SMURF1: variants seen among roughly 807,000 people sequenced by gnomAD.
The protein encoded by SMURF1 is E3 ubiquitin-protein ligase SMURF1.
Under a neutral mutation model 98.0 loss-of-function variants are expected in SMURF1, and 44 were observed. The ratio of observed to expected loss-of-function variants is 0.45; its 90% CI spans 0.35 to 0.58. The LOEUF is 0.58. SMURF1 is among the 20% of genes least tolerant of loss of function. The pLI, the probability that SMURF1 is intolerant of heterozygous loss-of-function variation, is 0.00. For synonymous variants in SMURF1, 396 were observed against 374.9 expected (o/e 1.06, Z -0.65); for missense variants, 687 against 938.4 (o/e 0.73, Z 3.50).
intron 16 of SMURF1, among the ~76,000 whole-genome samples, chr7:99,034,721 C>A (rs1298781502): frequency 6.6e-6 from 1 of 152,176 alleles, no homozygotes; most frequent in Non-Finnish European, 1.5e-5. Flanking sequence ...CAGCCTCAAA[C>A]CCCTTTTTAT....
rs1009184519 is a variant in SMURF1, at chr7:99,027,642, G to A, written c.*2942C>T. The A allele has an allele frequency of 1.3e-5, 2 of 152,518 alleles. No homozygotes were observed. Among genetic ancestry groups the A allele is most frequent in the African/African-American group, 4.8e-5 (2 of 41,410 alleles). The allele number at this position is 152,518 out of a possible 1,614,324, so 9.4% of individuals were successfully genotyped here. ...AAAATAAATCAGTGATAAAAACAGT[G>A]GGAAGGATAACAAGGATAGCAGCAA... On this transcript the variant is annotated 3_prime_UTR_variant, in exon 18 of 18. Transcript: ENST00000361368.
intron 5 of SMURF1, among the ~76,000 whole-genome samples, chr7:99,056,650 T>C (rs1256313264): frequency 6.6e-6 from 1 of 152,178 alleles, no homozygotes; most frequent in East Asian, 1.9e-4. Flanking sequence ...TAAAATTACA[T>C]TTAAAATTCT....
At chr7:99,089,652 C>G (rs538325964) in intron 1 of SMURF1, among the ~76,000 whole-genome samples, 4 of 151,690 alleles carry the variant, frequency 2.6e-5, no homozygotes, top group Admixed American at 2.6e-4. Context: ...TAAAACAAAA[C>G]AAAACAAAAC....
chr7:99,112,438 G>C (rs1370012949), intron 1 of SMURF1, among the ~76,000 whole-genome samples: 1 of 152,082 alleles, frequency 6.6e-6, no homozygotes, highest in East Asian at 1.9e-4. Context: ...CATGACAAAG[G>C]ATACAGACTT....
At chr7:99,058,913 A>G (rs1397066801) in intron 3 of SMURF1, among the ~76,000 whole-genome samples, 2 of 151,814 alleles carry the variant, frequency 1.3e-5, no homozygotes, top group African/African-American at 4.8e-5. Flanking sequence ...GGTGAAACCC[A>G]TCTCTACTAA....
chr7:99,068,621 A>AT (rs1563015132), intron 1 of SMURF1, among the ~76,000 whole-genome samples: 1 of 152,146 alleles, frequency 6.6e-6, no homozygotes, highest in East Asian at 1.9e-4. Flanking sequence ...TTTGAATGCC[A>AT]TTTTCATGTT....
chr7:99,127,221 C>T (rs923907440), intron 1 of SMURF1, among the ~76,000 whole-genome samples: 4 of 152,154 alleles, frequency 2.6e-5, no homozygotes, highest in African/African-American at 4.8e-5. Context: ...GTTCCTGCCA[C>T]GCAGGCAGAT....
intron 1 of SMURF1, among the ~76,000 whole-genome samples, chr7:99,120,121 C>T (rs1231591171): frequency 1.3e-5 from 2 of 152,090 alleles, no homozygotes; most frequent in Admixed American, 1.3e-4. Flanking sequence ...AGCCTGGCAC[C>T]TCACCCCTTC....
chr7:99,060,102 G>A (rs1795993435), intron 3 of SMURF1, among the ~76,000 whole-genome samples: 1 of 152,018 alleles, frequency 6.6e-6, no homozygotes, highest in Non-Finnish European at 1.5e-5. Context: ...ATGCAGTCGG[G>A]CGCAGTGGCT....
At chr7:99,040,153 G>A (rs1479948502) in intron 13 of SMURF1, among the ~76,000 whole-genome samples, 6 of 152,020 alleles carry the variant, frequency 3.9e-5, no homozygotes, top group South Asian at 2.1e-4. Flanking sequence ...TTGCAGTAAC[G>A]GGGTCTCACT....
chr7:99,037,142 G>C lies in SMURF1; in HGVS notation c.1734C>G (p.Phe578Leu), dbSNP rs1374181814. 6.2e-7 allele frequency: 1 copy of C among 1,614,174 alleles called. No homozygotes were observed. Among genetic ancestry groups the C allele is most frequent in the Non-Finnish European group, 8.5e-7 (1 of 1,180,040 alleles). ...WRFMRGIEAQ[F>L]LALQKGFNEL... ...CATTGAACCCCTTCTGCAGAGCTAA[G>C]AACTGGGCTTCGATTCCTCTCATAA... Residue 578 changes from phenylalanine to leucine, a missense_variant, in exon 15 of 18, where the codon TTC becomes TTG. By Grantham distance (22) the Phe-to-Leu change is conservative. This residue lies in a region of SMURF1 where 272 missense variants were observed against 430.0 expected (regional missense o/e 0.63). Coordinates refer to ENST00000361368, the MANE Select transcript of SMURF1 (RefSeq NM_181349.3).
At chr7:99,122,739 TTCTTTC>T (rs1797665226) in intron 1 of SMURF1, among the ~76,000 whole-genome samples, 1 of 116,726 alleles carries the variant, frequency 8.6e-6, no homozygotes, top group Non-Finnish European at 1.7e-5. Context: ...GCTTTTTTCT[TTCTTTC>T]TTTTTTTTTT....
At chr7:99,113,528 T>C (rs1797367170) in intron 1 of SMURF1, among the ~76,000 whole-genome samples, 1 of 150,260 alleles carries the variant, frequency 6.7e-6, no homozygotes, top group Non-Finnish European at 1.5e-5. Flanking sequence ...CTGAGGGGAG[T>C]CTTTCAAGCT....
Position 99,030,808 on chromosome 7 carries a change from G to T in SMURF1, c.2097-125C>A, listed in dbSNP as rs138727417. On this transcript the variant is annotated intron_variant, in intron 17 of 17. Coordinates refer to ENST00000361368, the MANE Select transcript of SMURF1 (RefSeq NM_181349.3). ...AGGAATGGGGGGTGGGGCAGGGTTGGTGATGAGTTCTCCATGTCCCCTGTG... is the reference window on the plus strand; with the variant it reads ...AGGAATGGGGGGTGGGGCAGGGTTGTTGATGAGTTCTCCATGTCCCCTGTG... 9.0e-4 allele frequency: 576 copies of T among 642,580 alleles called. 2 individuals carry two copies. The highest frequency in any genetic ancestry group is 5.1e-3 in the African/African-American group (282 of 55,148). 39.8% of individuals were successfully genotyped at this position (642,580 alleles called of 1,614,324 possible).
chr7:99,062,944 G>C (rs1221520345), intron 1 of SMURF1, among the ~76,000 whole-genome samples: 7 of 151,846 alleles, frequency 4.6e-5, no homozygotes, highest in South Asian at 2.1e-4. Context: ...ATCAATTACT[G>C]TTAAGAGAGT....
intron 10 of SMURF1, among the ~76,000 whole-genome samples, chr7:99,047,259 A>G (rs962756931): frequency 2.0e-5 from 3 of 152,218 alleles, no homozygotes; most frequent in African/African-American, 7.2e-5. Flanking sequence ...ATCTCATACA[A>G]GAAGAGAGGA....
intron 1 of SMURF1, among the ~76,000 whole-genome samples, chr7:99,073,335 C>T (rs796730088): frequency 9.3e-5 from 14 of 149,770 alleles, no homozygotes; most frequent in African/African-American, 3.4e-4. Flanking sequence ...GTCCAGATCA[C>T]GCAACTGCAC....
intron 1 of SMURF1, among the ~76,000 whole-genome samples, chr7:99,066,457 A>C (rs1214312313): frequency 6.6e-6 from 1 of 152,208 alleles, no homozygotes; most frequent in Non-Finnish European, 1.5e-5. Flanking sequence ...AAGTGCGGAA[A>C]GGTCTCAGCA....
chr7:99,045,453 T>G (rs1298143073), intron 11 of SMURF1: 1 of 486,834 alleles, frequency 2.1e-6, no homozygotes, highest in Non-Finnish European at 3.6e-6. Flanking sequence ...TTACAAGAAG[T>G]CAATTAGTGG....
Sources: allele counts gnomAD v4.1 joint callset (sites outside exome capture counted in the v4.1 genomes callset), GRCh38; gene constraint gnomAD v4.1.1; regional missense constraint gnomAD v4.1.1; transcripts MANE v1.5; gene names NCBI Gene and HGNC (gene_info 2026-07-23, HGNC 2026-07-21).